STX12: variants seen among roughly 807,000 people sequenced by gnomAD.
STX12 encodes syntaxin 12, also known as syntaxin-12.
A neutral mutation model predicts 42.2 loss-of-function variants in STX12; 17 were observed. The observed-to-expected ratio is 0.40, with a 90% CI of 0.28 to 0.60. The LOEUF (loss-of-function observed/expected upper bound fraction) is 0.60. STX12 is among the 20% of genes least tolerant of loss of function. The pLI is 0.39. For synonymous variants in STX12, 108 were observed against 116.7 expected, an observed-to-expected ratio of 0.93 and a Z score of 0.48; for missense variants, 297 against 330.9, an observed-to-expected ratio of 0.90 and a Z score of 0.79.
chr1:27,816,840 C>G lies in STX12; in HGVS notation c.577-1011C>G, dbSNP rs749928591. The stretch of plus-strand genomic sequence containing the variant: ...CTGAGGCAGGTGAATTGCTTGAATC[C>G]GGGAGGTGGAGGTTGCAGTGAGACG... On this transcript the variant is annotated intron_variant, in intron 6 of 8. Coordinates refer to ENST00000373943, the MANE Select transcript of STX12 (RefSeq NM_177424.3). Among the ~76,000 whole-genome samples the G allele has an allele frequency of 9.9e-5, 15 of 151,324 alleles. No individual in the cohort carries two copies. The South Asian group carries it at 1.3e-3, about 13-fold the overall frequency.
rs2089001075 is a variant in STX12 at position 27,823,723 on chromosome 1, TTGC to T, written c.*1395_*1397del. Reference sequence around the variant, plus strand: ...CAAGGGCCCAAATGCATAAGTTTCTTTGCACTGTTGCACTTACTTAATACAAAT... The same window carrying T: ...CAAGGGCCCAAATGCATAAGTTTCTTACTGTTGCACTTACTTAATACAAAT... On this transcript the variant is annotated 3_prime_UTR_variant, in exon 9 of 9. Coordinates refer to ENST00000373943, the MANE Select transcript of STX12 (RefSeq NM_177424.3). 1 of 152,662 alleles carries T rather than the reference TTGC, an allele frequency of 6.6e-6. No homozygotes were observed. The highest frequency in any genetic ancestry group is 2.4e-5 in the African/African-American group (1 of 41,452). 9.5% of individuals were successfully genotyped at this position (152,662 alleles called of 1,614,324 possible). A position where few individuals can be genotyped will look rare whatever the true frequency, so the allele number is the denominator to read the frequency against.
intron 3 of STX12, among the ~76,000 whole-genome samples, chr1:27,798,953 C>CAAA (rs56799050): frequency 1.3e-5 from 1 of 78,386 alleles, no homozygotes; most frequent in African/African-American, 4.6e-5. Flanking sequence ...GACCCTGTCT[C>CAAA]AAAAAAAAAA....
chr1:27,811,106 G>A (rs569108625), intron 5 of STX12, among the ~76,000 whole-genome samples: 17 of 148,162 alleles, frequency 1.1e-4, no homozygotes, highest in Admixed American at 4.7e-4. Flanking sequence ...GATCACCTGA[G>A]GTCAGGAGTT....
intron 1 of STX12, among the ~76,000 whole-genome samples, chr1:27,776,086 A>C (rs1000058975): frequency 8.5e-5 from 13 of 152,202 alleles, no homozygotes; most frequent in Non-Finnish European, 1.9e-4. Flanking sequence ...ATGAAAAGAA[A>C]GGAAAGGATA....
At position 27,792,350 on chromosome 1, in the gene STX12, A is replaced by G. The variant is rs529067857; in HGVS notation, c.189-1183A>G. Among the ~76,000 whole-genome samples the G allele has an allele frequency of 7.7e-5, 11 of 142,220 alleles. 1 individual carries two copies. The highest frequency in any genetic ancestry group is 3.0e-4 in the African/African-American group (11 of 37,048). 93.3% of individuals were successfully genotyped at this position (142,220 alleles called of 152,430 possible). The stretch of plus-strand genomic sequence containing the variant: ...TATATGTATCTATATATATGTAGAT[A>G]CATATATATGTATATATATATCAAG... On this transcript the variant is annotated intron_variant, in intron 2 of 8. Coordinates refer to ENST00000373943, the MANE Select transcript of STX12 (RefSeq NM_177424.3).
At chr1:27,795,525 C>T (rs890595906) in intron 3 of STX12, among the ~76,000 whole-genome samples, 2 of 152,050 alleles carry the variant, frequency 1.3e-5, no homozygotes, top group Non-Finnish European at 2.9e-5. Flanking sequence ...AGGCTGGTTT[C>T]AAACTCCTGA....
At chr1:27,789,778 C>G in intron 2 of STX12, 147 bp downstream of exon 2, 3 of 602,382 alleles carry the variant, frequency 5.0e-6, no homozygotes, top group Non-Finnish European at 8.9e-6. Context: ...AAAAGAGGGG[C>G]GGGGCAACAA....
intron 4 of STX12, among the ~76,000 whole-genome samples, chr1:27,804,357 T>G (rs1571527602): frequency 7.5e-6 from 1 of 134,012 alleles, no homozygotes; most frequent in South Asian, 2.4e-4. Context: ...ACCTGGGAGG[T>G]GGAGGTTGCA....
chr1:27,814,489 C>T (rs2088926556), intron 6 of STX12, among the ~76,000 whole-genome samples: 1 of 152,120 alleles, frequency 6.6e-6, no homozygotes, highest in Non-Finnish European at 1.5e-5. Flanking sequence ...GATCGTGCCA[C>T]TGCAATCCAG....
At chr1:27,785,069 C>T (rs1190939391) in intron 1 of STX12, among the ~76,000 whole-genome samples, 1 of 152,082 alleles carries the variant, frequency 6.6e-6, no homozygotes. Context: ...AGCTCTGTAG[C>T]TTATTTAATA....
chr1:27,787,128 T>C (rs865997528), intron 1 of STX12, among the ~76,000 whole-genome samples: 4 of 152,332 alleles, frequency 2.6e-5, no homozygotes, highest in African/African-American at 9.6e-5. Context: ...AATCACATTT[T>C]TGTTAGGAAA....
chr1:27,811,267 C>T (rs1402797131), intron 5 of STX12, among the ~76,000 whole-genome samples: 2 of 134,508 alleles, frequency 1.5e-5, no homozygotes, highest in Non-Finnish European at 3.1e-5. Flanking sequence ...AAGTAAGCGC[C>T]ACTTCACTCC....
At chr1:27,780,245 T>A (rs1181394731) in intron 1 of STX12, among the ~76,000 whole-genome samples, 1 of 148,020 alleles carries the variant, frequency 6.8e-6, no homozygotes, top group Non-Finnish European at 1.5e-5. Context: ...AGTCTTGCTC[T>A]GTTTCCCAGG....
chr1:27,774,255 T>C (rs912905233), intron 1 of STX12, among the ~76,000 whole-genome samples: 2 of 152,052 alleles, frequency 1.3e-5, no homozygotes, highest in Non-Finnish European at 2.9e-5. Flanking sequence ...GTCTTAAAAC[T>C]CCCTCCTCCC....
At position 27,780,082 on chromosome 1, in the gene STX12, C is replaced by T. The variant is rs547688777; in HGVS notation, c.118+6657C>T. Among the ~76,000 whole-genome samples, 8 of 151,976 alleles carry T rather than the reference C, an allele frequency of 5.3e-5. 1 individual carries two copies. The highest frequency in any genetic ancestry group is 4.2e-4 in the South Asian group (2 of 4,806). Reference sequence around the variant, plus strand: ...CTGGGATTACAAGCATGAGTCACTGCGTCCGCCCTTTGGTTCCTCCTTTTT... The same window carrying T: ...CTGGGATTACAAGCATGAGTCACTGTGTCCGCCCTTTGGTTCCTCCTTTTT... On this transcript the variant is annotated intron_variant, in intron 1 of 8. Transcript: ENST00000373943.
intron 6 of STX12, among the ~76,000 whole-genome samples, chr1:27,817,595 T>G (rs940145277): frequency 6.6e-6 from 1 of 152,242 alleles, no homozygotes; most frequent in Non-Finnish European, 1.5e-5. Context: ...CCTTCTGCTG[T>G]ACTGTTTGGA....
chr1:27,776,162 G>T (rs1401087304), intron 1 of STX12, among the ~76,000 whole-genome samples: 1 of 152,116 alleles, frequency 6.6e-6, no homozygotes, highest in Non-Finnish European at 1.5e-5. Flanking sequence ...GGCCTCAGGG[G>T]ATCATTTAAG....
At chr1:27,803,936 G>A (rs1338374825) in intron 4 of STX12, among the ~76,000 whole-genome samples, 1 of 152,066 alleles carries the variant, frequency 6.6e-6, no homozygotes, top group Non-Finnish European at 1.5e-5. Flanking sequence ...GGGAGACAGA[G>A]GTTGCAGTGA....
At chr1:27,783,822 G>T (rs2088683282) in intron 1 of STX12, among the ~76,000 whole-genome samples, 1 of 152,126 alleles carries the variant, frequency 6.6e-6, no homozygotes, top group Admixed American at 6.5e-5. Flanking sequence ...GCTTGGAAAA[G>T]GAGTTTTCTC....
Sources: allele counts gnomAD v4.1 joint callset (sites outside exome capture counted in the v4.1 genomes callset), GRCh38; gene constraint gnomAD v4.1.1; transcripts MANE v1.5; gene names NCBI Gene and HGNC (gene_info 2026-07-23, HGNC 2026-07-21).